Variants in PROX1 observed in about 807,000 individuals in gnomAD.
PROX1 encodes the protein prospero homeobox protein 1.
Under a neutral mutation model 58.8 loss-of-function variants are expected in PROX1, and 7 were observed. The observed-to-expected ratio is 0.12, with a 90% confidence interval of 0.07 to 0.22. The LOEUF is 0.22. Among genes scored for constraint, PROX1 ranks in the 10% least tolerant of loss-of-function variants. PROX1 has a pLI of 1.00. For missense variants in PROX1, 675 were observed against 927.8 expected (o/e 0.73, Z 3.54); for synonymous variants, 350 against 358.3 (o/e 0.98, Z 0.26).
intron 1 of PROX1, among the ~76,000 whole-genome samples, chr1:213,989,395 G>A (rs890307187): frequency 2.6e-5 from 4 of 152,010 alleles, no homozygotes; most frequent in African/African-American, 9.7e-5. Context: ...TCGCGGGCCG[G>A]GTAAGAGTAG....
intron 1 of PROX1, among the ~76,000 whole-genome samples, chr1:213,991,116 T>C (rs1329798517): frequency 6.6e-6 from 1 of 152,212 alleles, no homozygotes; most frequent in Non-Finnish European, 1.5e-5. Context: ...CATTAACTTG[T>C]CCATGGGTTA....
chr1:214,021,989 T>A (rs994910183), intron 4 of PROX1, among the ~76,000 whole-genome samples: 2 of 152,246 alleles, frequency 1.3e-5, no homozygotes. Context: ...CAGTTTCTGC[T>A]TTATTTGATG....
intron 4 of PROX1, among the ~76,000 whole-genome samples, chr1:214,018,559 T>C (rs945708673): frequency 6.6e-6 from 1 of 152,212 alleles, no homozygotes; most frequent in African/African-American, 2.4e-5. Context: ...GAACCGTCTA[T>C]TAATGATCAT....
chr1:214,010,358 G>A (rs888767644), intron 3 of PROX1, among the ~76,000 whole-genome samples: 7 of 152,242 alleles, frequency 4.6e-5, no homozygotes, highest in Admixed American at 3.3e-4. Flanking sequence ...TATTATCTTT[G>A]CTAGTATAGA....
At position 214,026,046 on chromosome 1, in the gene PROX1, C is replaced by G. The variant is rs553258086; in HGVS notation, c.2029-9603C>G. Among the ~76,000 whole-genome samples, 5 of 152,280 alleles carry G rather than the reference C, an allele frequency of 3.3e-5. No individual in the cohort carries two copies. The South Asian group carries it at 1.0e-3, about 32-fold the overall frequency. On this transcript the variant is annotated intron_variant, in intron 4 of 4. Coordinates refer to ENST00000366958, the MANE Select transcript of PROX1 (RefSeq NM_001270616.2). ...GATGAGCAATTTCTGCACAGTGCTT[C>G]CAGTTGTTTTTAAGATCTTAACAGT...
At chr1:214,032,956 A>C (rs1664708310) in intron 4 of PROX1, among the ~76,000 whole-genome samples, 1 of 152,220 alleles carries the variant, frequency 6.6e-6, no homozygotes, top group Non-Finnish European at 1.5e-5. Flanking sequence ...GACTGCATAC[A>C]ACCCCCAAAG....
At chr1:214,034,211 G>A (rs1664755176) in intron 4 of PROX1, among the ~76,000 whole-genome samples, 2 of 152,198 alleles carry the variant, frequency 1.3e-5, no homozygotes, top group Non-Finnish European at 2.9e-5. Flanking sequence ...GTGATGTCGG[G>A]TGATGATTCT....
At position 214,035,223 on chromosome 1, in the gene PROX1, T is replaced by A. The variant is rs1664790167; in HGVS notation, c.2029-426T>A. On this transcript the variant is annotated intron_variant, in intron 4 of 4. Coordinates refer to ENST00000366958, the MANE Select transcript of PROX1 (RefSeq NM_001270616.2). ...GGTTTAATTTATAAAGAAGCCCAAC[T>A]ATTTGTTATTCTATTTTGAGAACGT... 2.6e-5 allele frequency among the ~76,000 whole-genome samples: 4 copies of A among 152,238 alleles called. No homozygotes were observed. The South Asian group carries it at 8.3e-4, about 31-fold the overall frequency.
At chr1:214,008,422 AC>A (rs146891935) in intron 3 of PROX1, among the ~76,000 whole-genome samples, 36,456 of 150,148 alleles carry the variant, frequency 0.24, 4,453 homozygotes, top group Admixed American at 0.29. Context: ...AACAACAACA[AC>A]AACAAAAAAA....
chr1:214,005,586 GA>G (rs1663680058), intron 3 of PROX1, among the ~76,000 whole-genome samples: 1 of 152,178 alleles, frequency 6.6e-6, no homozygotes, highest in Admixed American at 6.5e-5. Context: ...GTGCTTTAGA[GA>G]ATGTTTTTTC....
At chr1:213,990,939 T>C (rs1049284263) in intron 1 of PROX1, among the ~76,000 whole-genome samples, 1 of 152,166 alleles carries the variant, frequency 6.6e-6, no homozygotes, top group African/African-American at 2.4e-5. Context: ...TAGATATGAA[T>C]TTGATGGAGA....
chr1:213,996,953 T>C lies in PROX1; in HGVS notation c.418T>C (p.Cys140Arg). The C allele has an allele frequency of 6.2e-6, 10 of 1,613,398 alleles. No homozygotes were observed. The highest frequency in any genetic ancestry group is 7.6e-6 in the Non-Finnish European group (9 of 1,179,824). Residue 140 changes from cysteine to arginine, a missense_variant, in exon 2 of 5, where the codon TGT becomes CGT. Transcript: ENST00000366958. Reference sequence around the variant, plus strand: ...CTCTTCAAGAGACAGCCCCCCAGAGTGTCTTTCCCCTTTTGGCAGGCCTAC... The same window carrying C: ...CTCTTCAAGAGACAGCCCCCCAGAGCGTCTTTCCCCTTTTGGCAGGCCTAC... The part of the protein sequence containing the change: ...SNSSRDSPPE[C>R]LSPFGRPTMS...
At chr1:213,984,410 T>C (rs910974754), upstream of PROX1, 7 of 152,244 alleles carry the variant, frequency 4.6e-5, no homozygotes, top group Admixed American at 1.3e-4. Flanking sequence ...AAGGGTTATA[T>C]TTCAACTTCT....
At chr1:213,983,508 G>A (rs554150469), upstream of PROX1, among the ~76,000 whole-genome samples, 1 of 152,306 alleles carries the variant, frequency 6.6e-6, no homozygotes, top group Non-Finnish European at 1.5e-5. Context: ...GCGCCCCCGC[G>A]TGCAAAGGTG....
At chr1:213,983,949 G>A (rs1662763347), upstream of PROX1, 1 of 152,262 alleles carries the variant, frequency 6.6e-6, no homozygotes, top group Admixed American at 6.5e-5. Context: ...GTTCCTCGCC[G>A]GGCTCTGGGC....
intron 4 of PROX1, among the ~76,000 whole-genome samples, chr1:214,026,590 A>G (rs924439255): frequency 6.6e-6 from 1 of 152,242 alleles, no homozygotes; most frequent in African/African-American, 2.4e-5. Context: ...AATCTAGAAC[A>G]TTGTTGATAA....
At chr1:214,004,875 A>G (rs989606288) in intron 2 of PROX1, among the ~76,000 whole-genome samples, 2 of 152,226 alleles carry the variant, frequency 1.3e-5, no homozygotes, top group African/African-American at 4.8e-5. Context: ...TAGATAGCCT[A>G]CCGACCTAAA....
At chr1:214,023,870 G>A (rs1664366197) in intron 4 of PROX1, among the ~76,000 whole-genome samples, 1 of 152,220 alleles carries the variant, frequency 6.6e-6, no homozygotes, top group African/African-American at 2.4e-5. Context: ...TACTTGGGCA[G>A]GGAGGGATGG....
chr1:214,028,649 G>A (rs765508986), intron 4 of PROX1, among the ~76,000 whole-genome samples: 1 of 152,142 alleles, frequency 6.6e-6, no homozygotes, highest in Non-Finnish European at 1.5e-5. Flanking sequence ...ATATTTGGAT[G>A]ATATTTTATG....
Sources: gnomAD v4.1 joint callset for allele counts (sites outside exome capture counted in the v4.1 genomes callset) on GRCh38, gnomAD v4.1.1 for gene constraint, MANE v1.5 for transcripts, NCBI Gene and HGNC (gene_info 2026-07-23, HGNC 2026-07-21) for gene names.